The following FGF14 variants were observed in gnomAD, a reference collection of about 807,000 sequenced individuals.
FGF14 encodes fibroblast growth factor homologous factor 4.
FGF14 carries 5 observed loss-of-function variants against 25.5 expected under a neutral mutation model. The observed-to-expected ratio is 0.20, with a 90% confidence interval of 0.10 to 0.41. The LOEUF (loss-of-function observed/expected upper bound fraction) is 0.41, where lower values mean the gene tolerates loss of function less well. Ranked by LOEUF, FGF14 falls within the 10% of genes least tolerant of loss-of-function variation. The pLI is 1.00. For missense variants in FGF14, 222 were observed against 320.1 expected (o/e 0.69, Z 2.34); for synonymous variants, 138 against 118.3 (o/e 1.17, Z -1.08).
intron 3 of FGF14, among the ~76,000 whole-genome samples, chr13:101,749,287 A>G (rs190730336): frequency 6.6e-6 from 1 of 152,184 alleles, no homozygotes; most frequent in East Asian, 1.9e-4. Context: ...TGGAAAGATT[A>G]AGCAAACTGT....
chr13:101,808,465 T>G (rs1594323063), intron 3 of FGF14, among the ~76,000 whole-genome samples: 1 of 152,274 alleles, frequency 6.6e-6, no homozygotes, highest in African/African-American at 2.4e-5. Context: ...AATTAATGTT[T>G]GTCATATCTT....
At chr13:102,312,137 C>T (rs1047683617) in intron 1 of FGF14, among the ~76,000 whole-genome samples, 3 of 150,598 alleles carry the variant, frequency 2.0e-5, no homozygotes, top group African/African-American at 4.9e-5. Context: ...AGGTTGTCTA[C>T]GATTTATGAA....
intron 1 of FGF14, among the ~76,000 whole-genome samples, chr13:102,032,618 A>AC (rs1406521322): frequency 6.6e-6 from 1 of 152,068 alleles, no homozygotes; most frequent in African/African-American, 2.4e-5. Context: ...TAATGCTTAT[A>AC]CCCCAGTAGG....
At chr13:102,081,567 A>T (rs2043623731) in intron 1 of FGF14, among the ~76,000 whole-genome samples, 2 of 151,962 alleles carry the variant, frequency 1.3e-5, no homozygotes, top group South Asian at 4.1e-4. Context: ...TAATGAAAAG[A>T]TTTTCATCCC....
chr13:101,799,825 C>A (rs1448353334), intron 3 of FGF14, among the ~76,000 whole-genome samples: 1 of 151,874 alleles, frequency 6.6e-6, no homozygotes, highest in African/African-American at 2.4e-5. Context: ...TCAAAATGAA[C>A]AACTCAAGGG....
chr13:101,806,482 T>G (rs1166021819), intron 3 of FGF14, among the ~76,000 whole-genome samples: 1 of 151,952 alleles, frequency 6.6e-6, no homozygotes, highest in Non-Finnish European at 1.5e-5. Context: ...AAATTTTTTT[T>G]TTTGTTTTCA....
chr13:102,374,439 G>A lies in FGF14; in HGVS notation c.208+27032C>T, dbSNP rs533611767. Among the ~76,000 whole-genome samples, 198 of 151,518 alleles carry A rather than the reference G, an allele frequency of 1.3e-3. 1 individual carries two copies. Among genetic ancestry groups the A allele is most frequent in the Middle Eastern group, 6.8e-3 (2 of 294 alleles). On this transcript the variant is annotated intron_variant, in intron 1 of 4. Transcript: ENST00000376131. ...CAAATGGTTGTACTACAAAAGTAAG[G>A]GGAGTATGTTTGCAGTCTAAGTGCA...
chr13:101,875,156 T>C (rs778738810), intron 2 of FGF14, 30 bp downstream of exon 2: 37 of 1,422,822 alleles, frequency 2.6e-5, no homozygotes, highest in South Asian at 3.4e-5. Flanking sequence ...CTACCAACTA[T>C]GTAACTGGTG....
intron 1 of FGF14, among the ~76,000 whole-genome samples, chr13:102,136,773 A>G (rs902646916): frequency 6.6e-6 from 1 of 152,036 alleles, no homozygotes; most frequent in Non-Finnish European, 1.5e-5. Flanking sequence ...GTGTTCAGTT[A>G]GCAAAATAAA....
At chr13:101,868,613 T>C (rs2044865923) in intron 3 of FGF14, 112 bp downstream of exon 3, 2 of 790,948 alleles carry the variant, frequency 2.5e-6, no homozygotes, top group Non-Finnish European at 4.6e-6. Flanking sequence ...GATCAAATAC[T>C]AAGGCAAAAA....
At chr13:102,147,905 C>G (rs1265698340) in intron 1 of FGF14, among the ~76,000 whole-genome samples, 1 of 152,100 alleles carries the variant, frequency 6.6e-6, no homozygotes, top group Non-Finnish European at 1.5e-5. Context: ...GTATGCCAGG[C>G]CATGCATTTA....
chr13:102,327,519 C>A (rs1031926695), intron 1 of FGF14, among the ~76,000 whole-genome samples: 1 of 152,146 alleles, frequency 6.6e-6, no homozygotes, highest in Non-Finnish European at 1.5e-5. Context: ...TAACAGAGGG[C>A]GACTGTACTA....
chr13:102,134,485 A>G (rs576825293), intron 1 of FGF14, among the ~76,000 whole-genome samples: 59 of 152,362 alleles, frequency 3.9e-4, no homozygotes, highest in African/African-American at 1.4e-3. Context: ...ATCAGTAATG[A>G]AAGTAATGAT....
At chr13:102,162,677 G>C (rs2047828635) in intron 1 of FGF14, among the ~76,000 whole-genome samples, 1 of 152,286 alleles carries the variant, frequency 6.6e-6, no homozygotes, top group East Asian at 1.9e-4. Flanking sequence ...TATGTGTTGA[G>C]AGTGAAATTT....
chr13:101,888,246 T>C (rs1309371603), intron 1 of FGF14, among the ~76,000 whole-genome samples: 3 of 152,130 alleles, frequency 2.0e-5, no homozygotes, highest in Non-Finnish European at 4.4e-5. Flanking sequence ...CGGAGTCACA[T>C]TTTAGAGAAC....
chr13:101,938,780 G>T (rs1170753093), intron 1 of FGF14, among the ~76,000 whole-genome samples: 1 of 152,060 alleles, frequency 6.6e-6, no homozygotes, highest in African/African-American at 2.4e-5. Flanking sequence ...ACCAAACTTT[G>T]CTTTTCCCCC....
intron 1 of FGF14, among the ~76,000 whole-genome samples, chr13:102,306,266 C>T (rs1194651774): frequency 6.6e-6 from 1 of 152,128 alleles, no homozygotes; most frequent in Admixed American, 6.6e-5. Context: ...TTATCTTCTA[C>T]CAGGCACTGT....
chr13:101,929,633 T>C (rs1365290687), intron 1 of FGF14, among the ~76,000 whole-genome samples: 1 of 152,238 alleles, frequency 6.6e-6, no homozygotes, highest in Non-Finnish European at 1.5e-5. Flanking sequence ...TGCTGACCTC[T>C]TCCCATGCTT....
chr13:101,869,792 C>T (rs2044946425), intron 2 of FGF14, among the ~76,000 whole-genome samples: 1 of 152,144 alleles, frequency 6.6e-6, no homozygotes, highest in Admixed American at 6.6e-5. Context: ...AACTGTATTG[C>T]ACAAAACCAA....
Sources: gnomAD v4.1 joint callset for allele counts (sites outside exome capture counted in the v4.1 genomes callset) on GRCh38, gnomAD v4.1.1 for gene constraint, MANE v1.5 for transcripts, NCBI Gene and HGNC (gene_info 2026-07-23, HGNC 2026-07-21) for gene names.